GATA6: variants seen among roughly 807,000 people sequenced by gnomAD.
GATA6 encodes the protein GATA binding protein 6, also known as transcription factor GATA-6.
A neutral mutation model predicts 48.1 loss-of-function variants in GATA6; 11 were observed. That is an observed-to-expected ratio of 0.23 (90% confidence interval 0.14 to 0.38). The LOEUF (loss-of-function observed/expected upper bound fraction) is 0.38, where lower values mean the gene tolerates loss of function less well. GATA6 is among the 10% of genes least tolerant of loss of function. GATA6 has a pLI of 1.00. For synonymous variants in GATA6, 419 were observed against 396.1 expected (o/e 1.06, Z -0.69); for missense variants, 795 against 850.3 (o/e 0.93, Z 0.81).
rs961804416 is a variant in GATA6, at chr18:22,201,861, T to C, written c.*1038T>C. ...TGTAAACACTCTGATGAAGTCTGTA[T>C]AGTGTGACTAACCCACAGGCAGGTT... On this transcript the variant is annotated 3_prime_UTR_variant, in exon 7 of 7. Transcript: ENST00000269216. 4 of 152,642 alleles carry C rather than the reference T, an allele frequency of 2.6e-5. No homozygotes were observed. Among genetic ancestry groups the C allele is most frequent in the African/African-American group, 9.6e-5 (4 of 41,460 alleles). The allele number at this position is 152,642 out of a possible 1,614,324, so 9.5% of individuals were successfully genotyped here. A position where few individuals can be genotyped will look rare whatever the true frequency, so the allele number is the denominator to read the frequency against.
intron 6 of GATA6, among the ~76,000 whole-genome samples, chr18:22,188,383 C>T (rs1393859246): frequency 6.6e-6 from 1 of 152,060 alleles, no homozygotes; most frequent in Non-Finnish European, 1.5e-5. Flanking sequence ...GGAGATGGCT[C>T]CGCAGAGTAG....
At chr18:22,187,349 G>A (rs528460025) in intron 6 of GATA6, among the ~76,000 whole-genome samples, 19 of 152,016 alleles carry the variant, frequency 1.2e-4, no homozygotes, top group Admixed American at 2.0e-4. Flanking sequence ...GCACGGTGGC[G>A]CATGCCTGTA....
intron 6 of GATA6, among the ~76,000 whole-genome samples, chr18:22,196,925 C>T (rs942472216): frequency 6.6e-6 from 1 of 152,084 alleles, no homozygotes; most frequent in Admixed American, 6.5e-5. Context: ...GATGGGGTAA[C>T]TTGCTTGGGC....
At position 22,171,889 on chromosome 18, in the gene GATA6, C is replaced by T. The variant is rs2033055668; in HGVS notation, c.745C>T (p.Pro249Ser). The change falls in exon 2 of 7, where the codon CCT becomes TCT. Residue 249 changes from proline (P) to serine (S), a missense_variant. Coordinates refer to ENST00000269216, the MANE Select transcript of GATA6 (RefSeq NM_005257.6). This position sits in a 1 kb window ranked among gnomAD's most constrained non-coding sequence, Gnocchi z 7.1. ...CGCGGCTGGCGGCGGGGCCGCGGGGCCTGGCGGCGCTGGCTCAGCCGCGGC... is the reference window on the plus strand; with the variant it reads ...CGCGGCTGGCGGCGGGGCCGCGGGGTCTGGCGGCGCTGGCTCAGCCGCGGC... ...GGAAGGGAAGPGGAGSAAAHV... is the reference protein window; with the variant it reads ...GGAAGGGAAGSGGAGSAAAHV... The T allele has an allele frequency of 8.7e-7, 1 of 1,151,992 alleles. No homozygotes were observed. Among genetic ancestry groups the T allele is most frequent in the African/African-American group, 1.6e-5 (1 of 61,090 alleles). The allele number at this position is 1,151,992 out of a possible 1,614,324, so 71.4% of individuals were successfully genotyped here. A position where few individuals can be genotyped will look rare whatever the true frequency, so the allele number is the denominator to read the frequency against.
intron 6 of GATA6, among the ~76,000 whole-genome samples, chr18:22,192,209 G>C (rs761353520): frequency 5.3e-5 from 8 of 152,138 alleles, no homozygotes; most frequent in African/African-American, 1.4e-4. Flanking sequence ...TAAAGCCTCT[G>C]TTTTCCTCCT....
chr18:22,170,064 G>A lies in GATA6; in HGVS notation c.-38+382G>A, dbSNP rs1165222324. On this transcript the variant is annotated intron_variant, in intron 1 of 6. Coordinates refer to ENST00000269216, the MANE Select transcript of GATA6 (RefSeq NM_005257.6). The surrounding 1 kb of genome is among the most constrained non-coding windows in gnomAD (Gnocchi z 6.7). ...CCGAGGCGATTTGGAAGAGCAGCCT[G>A]GAGGAGGCCAGCCCGGCTGCATTTC... Among the ~76,000 whole-genome samples the A allele has an allele frequency of 3.3e-5, 5 of 152,200 alleles. No individual in the cohort carries two copies. The highest frequency in any genetic ancestry group is 7.4e-5 in the Non-Finnish European group (5 of 68,020).
chr18:22,171,601 G>T lies in GATA6; in HGVS notation c.457G>T (p.Ala153Ser), dbSNP rs1354600110. The T allele has an allele frequency of 3.7e-6, 6 of 1,600,804 alleles. No homozygotes were observed. In the South Asian group the frequency reaches 4.4e-5, roughly 12 times the overall value. ...QPEEMYQTLAALSSQGPAAYD... is the reference protein window; with the variant it reads ...QPEEMYQTLASLSSQGPAAYD... ...GGAGGAGATGTACCAGACCCTCGCC[G>T]CTCTCTCCAGCCAGGGTCCGGCCGC... Residue 153 changes from alanine (A) to serine (S), a missense_variant, in exon 2 of 7, where the codon GCT becomes TCT. Transcript: ENST00000269216. The surrounding 1 kb of genome is among the most constrained non-coding windows in gnomAD (Gnocchi z 7.1).
At chr18:22,176,737 G>A in intron 2 of GATA6, 1 of 533,486 alleles carries the variant, frequency 1.9e-6, no homozygotes, top group Non-Finnish European at 3.3e-6. Context: ...CTACTGGGGC[G>A]CTCCGGGTGT....
intron 6 of GATA6, among the ~76,000 whole-genome samples, chr18:22,189,888 T>C (rs184414371): frequency 2.0e-5 from 3 of 152,332 alleles, no homozygotes; most frequent in African/African-American, 7.2e-5. Flanking sequence ...TTTTTACTCC[T>C]CCTTCTAAGT....
At chr18:22,184,078 T>A (rs1298205657) in intron 6 of GATA6, among the ~76,000 whole-genome samples, 1 of 151,520 alleles carries the variant, frequency 6.6e-6, no homozygotes, top group East Asian at 2.0e-4. Flanking sequence ...GATATCTATC[T>A]GTTGTTGAAC....
chr18:22,176,660 A>ACC (rs1335608588), intron 2 of GATA6: 1 of 345,680 alleles, frequency 2.9e-6, no homozygotes, highest in African/African-American at 2.2e-5. Context: ...ACTCAAGCCG[A>ACC]CCTCCCCACC....
chr18:22,184,021 G>T (rs186879019), intron 6 of GATA6, among the ~76,000 whole-genome samples: 1 of 152,174 alleles, frequency 6.6e-6, no homozygotes, highest in Admixed American at 6.5e-5. Flanking sequence ...AGATTCCTGG[G>T]CCCCACCCTG....
Position 22,201,565 on chromosome 18 carries a change from A to G in GATA6, c.*742A>G, listed in dbSNP as rs1227887059. 6.6e-6 allele frequency: 1 copy of G among 152,638 alleles called. No homozygotes were observed. The highest frequency in any genetic ancestry group is 1.5e-5 in the Non-Finnish European group (1 of 68,046). The allele number at this position is 152,638 out of a possible 1,614,324, so 9.5% of individuals were successfully genotyped here. A position where few individuals can be genotyped will look rare whatever the true frequency, so the allele number is the denominator to read the frequency against. ...TAATGAATGTAAACATTTTAACTTA[A>G]TGGTACTTAAAATAATTTAAAAGAA... On this transcript the variant is annotated 3_prime_UTR_variant, in exon 7 of 7. Coordinates refer to ENST00000269216, the MANE Select transcript of GATA6 (RefSeq NM_005257.6).
chr18:22,201,228 T>C lies in GATA6; in HGVS notation c.*405T>C, dbSNP rs1210977520. On this transcript the variant is annotated 3_prime_UTR_variant, in exon 7 of 7. Transcript: ENST00000269216. ...TTCATACCTTTTCCACATCCAGATT[T>C]CATGTGCGTTCATGGAGAAGATCAC... 2 of 232,130 alleles carry C rather than the reference T, an allele frequency of 8.6e-6. No homozygotes were observed. The highest frequency in any genetic ancestry group is 1.7e-5 in the Non-Finnish European group (2 of 115,674). The allele number at this position is 232,130 out of a possible 1,614,324, so 14.4% of individuals were successfully genotyped here.
chr18:22,181,392 G>T, intron 3 of GATA6, 61 bp from the exon 4 acceptor site: 1 of 1,533,502 alleles, frequency 6.5e-7, no homozygotes, highest in South Asian at 1.1e-5. Flanking sequence ...CTTAATGTAT[G>T]TATGTAATAT....
chr18:22,201,028 G>A lies in GATA6; in HGVS notation c.*205G>A. The stretch of plus-strand genomic sequence containing the variant: ...GAAGGGCCAGTGCAACTGGGCGCTT[G>A]GGCCACTCCAGCCAGCCCGCCTCCG... On this transcript the variant is annotated 3_prime_UTR_variant, in exon 7 of 7. Transcript: ENST00000269216. 2.9e-6 allele frequency: 2 copies of A among 685,182 alleles called. No individual in the cohort carries two copies. The highest frequency in any genetic ancestry group is 3.9e-5 in the South Asian group (2 of 51,112). 42.4% of individuals were successfully genotyped at this position (685,182 alleles called of 1,614,324 possible).
At chr18:22,199,249 A>G (rs778785720) in intron 6 of GATA6, among the ~76,000 whole-genome samples, 5 of 152,168 alleles carry the variant, frequency 3.3e-5, no homozygotes, top group Non-Finnish European at 5.9e-5. Context: ...TGCCAGAGAA[A>G]TGCTGTTTTA....
intron 6 of GATA6, among the ~76,000 whole-genome samples, chr18:22,199,900 CAAAA>C (rs35638046): frequency 8.8e-5 from 6 of 68,356 alleles, no homozygotes; most frequent in East Asian, 4.4e-4. Context: ...GACTCTGTTT[CAAAA>C]AAAAAAAAAA....
At position 22,185,688 on chromosome 18, in the gene GATA6, C is replaced by T. The variant is rs370669792; in HGVS notation, c.1620+2645C>T. Among the ~76,000 whole-genome samples, 5 of 152,224 alleles carry T rather than the reference C, an allele frequency of 3.3e-5. No individual in the cohort carries two copies. Among genetic ancestry groups the T allele is most frequent in the Non-Finnish European group, 5.9e-5 (4 of 68,038 alleles). ...TGGCCATTGTGGGGAAACAGCTACT[C>T]GTCTGCTGGCTGCCTTTGGAAGCTG... is the stretch of plus-strand genomic sequence containing the variant. On this transcript the variant is annotated intron_variant, in intron 6 of 6. Transcript: ENST00000269216. The surrounding 1 kb of genome is among the most constrained non-coding windows in gnomAD (Gnocchi z 4.3).
Sources: gnomAD v4.1 joint callset for allele counts (sites outside exome capture counted in the v4.1 genomes callset) on GRCh38, gnomAD v4.1.1 for gene constraint, Gnocchi (gnomAD v3.1) non-coding constraint, MANE v1.5 for transcripts, NCBI Gene and HGNC (gene_info 2026-07-23, HGNC 2026-07-21) for gene names.